Variants in SNX12 observed in about 807,000 individuals in gnomAD.
SNX12 encodes the protein sorting nexin-12.
For missense variants in SNX12, 62 were observed against 141.3 expected (o/e 0.44, Z 2.84); for synonymous variants, 47 against 56.0 (o/e 0.84, Z 0.71).
At chrX:71,071,873 T>G (rs1445364375), upstream of SNX12, among the ~76,000 whole-genome samples, 1 of 104,690 alleles carries the variant, frequency 9.6e-6, no homozygotes, top group African/African-American at 3.5e-5. Context: ...AAGGATCTGA[T>G]TTTTTAACAA....
At chrX:71,071,060 A>G (rs1465918511), upstream of SNX12, among the ~76,000 whole-genome samples, 2 of 110,981 alleles carry the variant, frequency 1.8e-5, no homozygotes, top group Non-Finnish European at 3.8e-5. Flanking sequence ...TTTTAAGAGC[A>G]AATAATTGTT....
At chrX:71,072,388 G>A (rs1036271898), upstream of SNX12, among the ~76,000 whole-genome samples, 1 of 111,267 alleles carries the variant, frequency 9.0e-6, no homozygotes, top group East Asian at 2.8e-4. Flanking sequence ...GCAAATAGGT[G>A]GTTAATAGTG....
At chrX:71,062,725 A>C in intron 2 of SNX12, 129 bp downstream of exon 2, 1 of 474,184 alleles carries the variant, frequency 2.1e-6, no homozygotes, top group Admixed American at 3.1e-5. Flanking sequence ...TAAAATACTG[A>C]GATTTGATGG....
At chrX:71,068,489 G>T, upstream of SNX12, 1 of 321,130 alleles carries the variant, frequency 3.1e-6, no homozygotes, top group East Asian at 5.1e-5. Context: ...TCTGAATAGC[G>T]GCCGTGCTGA....
At chrX:71,070,090 G>A (rs1381871363), upstream of SNX12, among the ~76,000 whole-genome samples, 1 of 111,957 alleles carries the variant, frequency 8.9e-6, no homozygotes, top group Admixed American at 9.5e-5. Context: ...GTTTAGAAAG[G>A]TAGACTGGCT....
intron 1 of SNX12, among the ~76,000 whole-genome samples, chrX:71,066,524 A>C (rs2092154162): frequency 9.9e-6 from 1 of 101,223 alleles, no homozygotes; most frequent in Non-Finnish European, 2.0e-5. Context: ...CAGGAGGCGG[A>C]GGTTGCAGCG....
upstream of SNX12, among the ~76,000 whole-genome samples, chrX:71,072,261 G>GA (rs746700000): frequency 5.7e-3 from 523 of 91,137 alleles, 4 homozygotes; most frequent in African/African-American, 0.016. Flanking sequence ...CCATCTTGGG[G>GA]AAAAAAAAAA....
chrX:71,073,161 A>G (rs761849872), upstream of SNX12: 10 of 111,177 alleles, frequency 9.0e-5, no homozygotes, highest in Non-Finnish European at 1.9e-4. Flanking sequence ...CCTTGACCAC[A>G]GTGATTCTTG....
chrX:71,071,541 A>ATTT, upstream of SNX12, among the ~76,000 whole-genome samples: 1 of 61,047 alleles, frequency 1.6e-5, no homozygotes, highest in Non-Finnish European at 2.7e-5. Context: ...ATATTTATAT[A>ATTT]TATTATATAT....
At chrX:71,072,906 T>TACACACAC (rs59544159), upstream of SNX12, among the ~76,000 whole-genome samples, 45 of 101,443 alleles carry the variant, frequency 4.4e-4, no homozygotes, top group Admixed American at 1.2e-3. Flanking sequence ...CTGGCTTCCA[T>TACACACAC]ACACACACAC....
chrX:71,062,261 C>T (rs2092134301), intron 2 of SNX12, among the ~76,000 whole-genome samples: 1 of 110,472 alleles, frequency 9.1e-6, no homozygotes, highest in Admixed American at 9.7e-5. Context: ...TTTCCTGACA[C>T]TAGACTTTCC....
chrX:71,073,164 G>C (rs2092178291), upstream of SNX12: 1 of 111,065 alleles, frequency 9.0e-6, no homozygotes, highest in African/African-American at 3.3e-5. Flanking sequence ...TGACCACAGT[G>C]ATTCTTGGCC....
intron 1 of SNX12, among the ~76,000 whole-genome samples, chrX:71,065,630 C>T (rs1216984548): frequency 9.1e-6 from 1 of 109,528 alleles, no homozygotes; most frequent in Non-Finnish European, 1.9e-5. Flanking sequence ...CATGGCGAAA[C>T]CTGTCTCTAC....
At chrX:71,068,067 G>A (rs773542993) in intron 1 of SNX12, 75 bp downstream of exon 1, 3 of 829,124 alleles carry the variant, frequency 3.6e-6, no homozygotes, top group African/African-American at 4.6e-5. Flanking sequence ...AGTTGCCCCC[G>A]CGGTAGCCTC....
At chrX:71,072,479 T>C (rs775195449), upstream of SNX12, among the ~76,000 whole-genome samples, 5 of 111,530 alleles carry the variant, frequency 4.5e-5, no homozygotes, top group Non-Finnish European at 9.4e-5. Context: ...TGAGAACAGT[T>C]TCAGTAGAGT....
At chrX:71,071,178 T>G (rs1448657753), upstream of SNX12, among the ~76,000 whole-genome samples, 1 of 107,877 alleles carries the variant, frequency 9.3e-6, no homozygotes, top group East Asian at 2.8e-4. Flanking sequence ...GCTTTTTATC[T>G]TAGTCACTTC....
chrX:71,066,286 G>C (rs1393810603), intron 1 of SNX12, among the ~76,000 whole-genome samples: 3 of 111,785 alleles, frequency 2.7e-5, no homozygotes, highest in Admixed American at 9.5e-5. Context: ...AGTCCCTGTT[G>C]CTATTAGAAT....
intron 3 of SNX12, among the ~76,000 whole-genome samples, chrX:71,061,631 G>A (rs2092131619): frequency 8.9e-6 from 1 of 111,763 alleles, no homozygotes; most frequent in Non-Finnish European, 1.9e-5. Context: ...TACTCAGGAG[G>A]CTGAGGCAGG....
chrX:71,066,591 T>TA (rs34509177), intron 1 of SNX12, among the ~76,000 whole-genome samples: 2,563 of 73,944 alleles, frequency 0.035, 68 homozygotes, highest in Middle Eastern at 0.087. Context: ...CTCCATCTCT[T>TA]AAAAAAAAAA....
Sources: gnomAD v4.1 joint callset for allele counts (sites outside exome capture counted in the v4.1 genomes callset) on GRCh38, gnomAD v4.1.1 for gene constraint, MANE v1.5 for transcripts, NCBI Gene and HGNC (gene_info 2026-07-23, HGNC 2026-07-21) for gene names.